The following EPB41L4A variants were observed in gnomAD, a reference collection of about 807,000 sequenced individuals.
EPB41L4A encodes the protein band 4.1-like protein 4A.
A neutral mutation model predicts 108.6 loss-of-function variants in EPB41L4A; 100 were observed. The observed-to-expected ratio is 0.92, with a 90% CI of 0.78 to 1.09. EPB41L4A has a LOEUF of 1.09. Ranked by LOEUF, EPB41L4A falls within the 50% of genes least tolerant of loss-of-function variation. The pLI, the probability that EPB41L4A is intolerant of heterozygous loss-of-function variation, is 0.00. For synonymous variants in EPB41L4A, 319 were observed against 289.0 expected (o/e 1.10, Z -1.05); for missense variants, 1,030 against 842.7 (o/e 1.22, Z -2.75).
intron 3 of EPB41L4A, among the ~76,000 whole-genome samples, chr5:112,277,781 G>A (rs1341062123): frequency 6.6e-6 from 1 of 152,156 alleles, no homozygotes; most frequent in Non-Finnish European, 1.5e-5. Context: ...TTTTGGACAA[G>A]GATATGTCTA....
At chr5:112,229,013 C>CT (rs1472050525) in intron 12 of EPB41L4A, among the ~76,000 whole-genome samples, 1 of 152,150 alleles carries the variant, frequency 6.6e-6, no homozygotes, top group African/African-American at 2.4e-5. Context: ...AATAAACATG[C>CT]TTTTTAAACT....
At chr5:112,246,574 C>T (rs1750242125) in intron 9 of EPB41L4A, among the ~76,000 whole-genome samples, 1 of 152,154 alleles carries the variant, frequency 6.6e-6, no homozygotes, top group Non-Finnish European at 1.5e-5. Flanking sequence ...AAGCTACATG[C>T]CTCCCCCATA....
At chr5:112,338,479 G>A (rs1198650424) in intron 1 of EPB41L4A, among the ~76,000 whole-genome samples, 2 of 152,086 alleles carry the variant, frequency 1.3e-5, no homozygotes, top group Non-Finnish European at 2.9e-5. Flanking sequence ...ATACCAGGTC[G>A]CTGCACCTGT....
chr5:112,260,025 C>A (rs750148438), intron 7 of EPB41L4A, 46 bp from the exon 8 acceptor site: 1 of 1,348,452 alleles, frequency 7.4e-7, no homozygotes, highest in Non-Finnish European at 1.1e-6. Context: ...CACATAAAAT[C>A]TCTTTGTCAA....
At position 112,163,697 on chromosome 5, in the gene EPB41L4A, T is replaced by C. The variant is rs1270881149; in HGVS notation, c.*1293A>G. On this transcript the variant is annotated 3_prime_UTR_variant, in exon 23 of 23. Coordinates refer to ENST00000261486, the MANE Select transcript of EPB41L4A (RefSeq NM_022140.5). ...TGAGGGCAATGACTAAAGATACTGC[T>C]TGCAAGAAAACTGGCTGAGAATGAG... 2 of 152,202 alleles carry C rather than the reference T, an allele frequency of 1.3e-5. No homozygotes were observed. The highest frequency in any genetic ancestry group is 3.9e-4 in the East Asian group (2 of 5,194). 9.4% of individuals were successfully genotyped at this position (152,202 alleles called of 1,614,324 possible).
At chr5:112,210,280 G>T (rs1195041186) in intron 12 of EPB41L4A, 1 of 193,214 alleles carries the variant, frequency 5.2e-6, no homozygotes. Context: ...CTATTAAAAT[G>T]ATATTCTGAG....
At chr5:112,258,162 GT>G (rs1338753869) in intron 9 of EPB41L4A, among the ~76,000 whole-genome samples, 1 of 152,174 alleles carries the variant, frequency 6.6e-6, no homozygotes, top group Non-Finnish European at 1.5e-5. Flanking sequence ...ATGAGATAAT[GT>G]TTTTTTCCTA....
At chr5:112,416,178 A>C (rs1361789612) in intron 1 of EPB41L4A, among the ~76,000 whole-genome samples, 1 of 152,110 alleles carries the variant, frequency 6.6e-6, no homozygotes, top group African/African-American at 2.4e-5. Flanking sequence ...AATCACTTCA[A>C]AACTAACTTT....
chr5:112,365,919 A>T (rs1298655200), intron 1 of EPB41L4A, among the ~76,000 whole-genome samples: 1 of 152,246 alleles, frequency 6.6e-6, no homozygotes. Context: ...ATCTCTGATA[A>T]GACAAAGTAC....
At chr5:112,155,702 G>T (rs1759622385) in intron 12 of EPB41L4A, among the ~76,000 whole-genome samples, 1 of 152,076 alleles carries the variant, frequency 6.6e-6, no homozygotes, top group African/African-American at 2.4e-5. Flanking sequence ...TACAATGAAA[G>T]AAACTATATT....
chr5:112,276,082 T>G (rs1434956142), intron 3 of EPB41L4A, among the ~76,000 whole-genome samples: 5 of 152,230 alleles, frequency 3.3e-5, no homozygotes, highest in Non-Finnish European at 5.9e-5. Context: ...TTAAACTAAT[T>G]CATTAGAATT....
chr5:112,204,829 C>T (rs1376760699), intron 14 of EPB41L4A, among the ~76,000 whole-genome samples: 1 of 152,168 alleles, frequency 6.6e-6, no homozygotes. Flanking sequence ...ATTATCTCAG[C>T]TAATCTTCAT....
At chr5:112,184,652 T>C (rs1200729636) in intron 17 of EPB41L4A, among the ~76,000 whole-genome samples, 2 of 152,226 alleles carry the variant, frequency 1.3e-5, no homozygotes, top group Admixed American at 6.5e-5. Flanking sequence ...TATGGTGGCA[T>C]AATGCATTAG....
rs183203086 is a variant in EPB41L4A at position 112,240,954 on chromosome 5, A to G, written c.796-144T>C. 268 of 537,552 alleles carry G rather than the reference A, an allele frequency of 5.0e-4. No individual in the cohort carries two copies. The East Asian group carries it at 9.4e-3, about 19-fold the overall frequency. The allele number at this position is 537,552 out of a possible 1,614,324, so 33.3% of individuals were successfully genotyped here. A position where few individuals can be genotyped will look rare whatever the true frequency, so the allele number is the denominator to read the frequency against. ...AAATAATAACTGTCTCTTGGTAACT[A>G]TTTTTGGAGAGGTGCATTAAAATCA... On this transcript the variant is annotated intron_variant, in intron 9 of 22. Transcript: ENST00000261486.
chr5:112,345,936 A>T (rs558767241), intron 1 of EPB41L4A, among the ~76,000 whole-genome samples: 5 of 152,114 alleles, frequency 3.3e-5, no homozygotes, highest in African/African-American at 1.2e-4. Flanking sequence ...GGTAGTTTTG[A>T]TATTTTTTAA....
intron 1 of EPB41L4A, chr5:112,363,391 A>G (rs366951): frequency 0.67 from 98,101 of 147,088 alleles, 32,874 homozygotes; most frequent in South Asian, 0.83. Flanking sequence ...GACCAGCCTG[A>G]GGCAAATAGT....
chr5:112,252,987 T>C (rs1244235422), intron 9 of EPB41L4A, among the ~76,000 whole-genome samples: 1 of 152,106 alleles, frequency 6.6e-6, no homozygotes, highest in Non-Finnish European at 1.5e-5. Flanking sequence ...CTCATAAATG[T>C]GGAGGGAGTA....
At chr5:112,384,741 G>C (rs1309702121) in intron 1 of EPB41L4A, among the ~76,000 whole-genome samples, 1 of 148,624 alleles carries the variant, frequency 6.7e-6, no homozygotes, top group African/African-American at 2.5e-5. Context: ...AACAAAAAGA[G>C]AAAGAGAAAC....
Position 112,323,751 on chromosome 5 carries a change from C to T in EPB41L4A, c.100-16261G>A, listed in dbSNP as rs1225796915. ...ACAGTAAGCAATAAACTGGGTTTTG[C>T]TTTATTTAGAGGTTATTCTGCAACC... On this transcript the variant is annotated intron_variant, in intron 1 of 22. Transcript: ENST00000261486. Among the ~76,000 whole-genome samples, 6 of 152,254 alleles carry T rather than the reference C, an allele frequency of 3.9e-5. No homozygotes were observed. In the East Asian group the frequency reaches 1.2e-3, roughly 29 times the overall value.
Sources: gnomAD v4.1 joint callset for allele counts (sites outside exome capture counted in the v4.1 genomes callset) on GRCh38, gnomAD v4.1.1 for gene constraint, MANE v1.5 for transcripts, NCBI Gene and HGNC (gene_info 2026-07-23, HGNC 2026-07-21) for gene names.